The following UBE2D1 variants were observed in gnomAD, a reference collection of about 807,000 sequenced individuals.
UBE2D1 encodes the protein ubiquitin conjugating enzyme E2 D1, also known as ubiquitin-conjugating enzyme E2 D1.
In UBE2D1, 9 loss-of-function variants were observed where a neutral mutation model predicts 24.6. That is an observed-to-expected ratio of 0.37 (90% CI 0.22 to 0.64). The LOEUF is 0.64. Among genes scored for constraint, UBE2D1 ranks in the 30% least tolerant of loss-of-function variants. UBE2D1 has a pLI of 0.64. For missense variants in UBE2D1, 87 were observed against 177.1 expected (o/e 0.49, Z 2.89); for synonymous variants, 57 against 57.6 (o/e 0.99, Z 0.04).
intron 1 of UBE2D1, among the ~76,000 whole-genome samples, chr10:58,349,962 T>C (rs1287615658): frequency 6.6e-6 from 1 of 152,200 alleles, no homozygotes; most frequent in Non-Finnish European, 1.5e-5. Flanking sequence ...TTCATCTATA[T>C]TGTTGCCTGG....
At chr10:58,363,837 A>G (rs1840226399) in intron 4 of UBE2D1, 151 bp downstream of exon 4, 4 of 545,064 alleles carry the variant, frequency 7.3e-6, no homozygotes, top group Non-Finnish European at 6.2e-6. Flanking sequence ...TACTGAATCT[A>G]AAATCTGATT....
chr10:58,362,520 C>G (rs1456707053), intron 3 of UBE2D1, among the ~76,000 whole-genome samples: 2 of 152,074 alleles, frequency 1.3e-5, no homozygotes, highest in Admixed American at 6.6e-5. Flanking sequence ...CTTCAAAATA[C>G]TCTCATTTAA....
chr10:58,354,503 G>A (rs987491501), intron 1 of UBE2D1, among the ~76,000 whole-genome samples: 1 of 151,296 alleles, frequency 6.6e-6, no homozygotes, highest in Non-Finnish European at 1.5e-5. Flanking sequence ...CCAAAGAATT[G>A]TTTGTTTCTG....
chr10:58,364,263 A>C (rs539403891), intron 4 of UBE2D1, among the ~76,000 whole-genome samples: 2 of 152,282 alleles, frequency 1.3e-5, no homozygotes, highest in Admixed American at 6.5e-5. Flanking sequence ...ATAGTTAAAA[A>C]CAGATTAACA....
chr10:58,346,774 A>G (rs911182461), intron 1 of UBE2D1, among the ~76,000 whole-genome samples: 9 of 152,210 alleles, frequency 5.9e-5, no homozygotes, highest in African/African-American at 2.2e-4. Flanking sequence ...ATGGCTCTTC[A>G]AGAAGATGAT....
At chr10:58,357,349 C>A (rs1840142533) in intron 1 of UBE2D1, among the ~76,000 whole-genome samples, 1 of 152,080 alleles carries the variant, frequency 6.6e-6, no homozygotes, top group South Asian at 2.1e-4. Flanking sequence ...AAGCATAGAT[C>A]AGGTAGTAAG....
intron 1 of UBE2D1, among the ~76,000 whole-genome samples, chr10:58,338,623 T>G (rs1012265132): frequency 2.6e-5 from 4 of 152,134 alleles, no homozygotes; most frequent in African/African-American, 9.7e-5. Flanking sequence ...ATTTTTTAAA[T>G]TACAGGTGTT....
intron 5 of UBE2D1, among the ~76,000 whole-genome samples, chr10:58,365,278 G>A (rs763668851): frequency 2.6e-4 from 40 of 152,016 alleles, no homozygotes; most frequent in Admixed American, 3.9e-4. Flanking sequence ...GACCGGCCTG[G>A]GCAACATAGG....
chr10:58,336,717 T>C (rs1839907302), intron 1 of UBE2D1, among the ~76,000 whole-genome samples: 1 of 152,268 alleles, frequency 6.6e-6, no homozygotes, highest in African/African-American at 2.4e-5. Context: ...GTAATATTGG[T>C]TCACATTTGG....
intron 1 of UBE2D1, among the ~76,000 whole-genome samples, chr10:58,350,313 A>T (rs1350337336): frequency 6.6e-6 from 1 of 152,048 alleles, no homozygotes; most frequent in East Asian, 1.9e-4. Flanking sequence ...ATTGTGTTGG[A>T]TATGTAGTGG....
chr10:58,344,938 C>T (rs1328459914), intron 1 of UBE2D1, among the ~76,000 whole-genome samples: 2 of 151,698 alleles, frequency 1.3e-5, no homozygotes, highest in Admixed American at 6.6e-5. Flanking sequence ...GATCTCAGCT[C>T]ACTGCAACCT....
chr10:58,351,988 G>A (rs1840081948), intron 1 of UBE2D1, among the ~76,000 whole-genome samples: 1 of 151,982 alleles, frequency 6.6e-6, no homozygotes, highest in Admixed American at 6.6e-5. Context: ...TTGAGGTAGG[G>A]GGATCAAGGT....
chr10:58,340,799 T>C (rs951350770), intron 1 of UBE2D1, among the ~76,000 whole-genome samples: 16 of 152,336 alleles, frequency 1.1e-4, no homozygotes, highest in Admixed American at 1.0e-3. Context: ...ATTTAATGTG[T>C]CTTATGTAAT....
In UBE2D1 at chr10:58,367,972, C is replaced by T. The variant is rs61749178; in HGVS notation, c.354C>T (p.Pro118=). Reference sequence around the variant, plus strand: ...TTTGTGATCCTAATCCAGATGACCCCTTAGTACCAGATATTGCACAAATCT... The same window carrying T: ...TTTGTGATCCTAATCCAGATGACCCTTTAGTACCAGATATTGCACAAATCT... ...SLLCDPNPDD[P]LVPDIAQIYK... is the part of the protein sequence containing the mutation. Residue 118 remains proline, a synonymous_variant, in exon 6 of 7, where the codon CCC becomes CCT. Coordinates refer to ENST00000373910, the MANE Select transcript of UBE2D1 (RefSeq NM_003338.5). 3.1e-6 allele frequency: 5 copies of T among 1,610,444 alleles called. No homozygotes were observed. Among genetic ancestry groups the T allele is most frequent in the Non-Finnish European group, 4.2e-6 (5 of 1,177,628 alleles).
At chr10:58,368,687 TG>T in intron 6 of UBE2D1, 32 bp from the exon 7 acceptor site, 3 of 1,465,544 alleles carry the variant, frequency 2.0e-6, no homozygotes, top group Non-Finnish European at 2.8e-6. Flanking sequence ...TAATTTTGTA[TG>T]TTTTTACTAT....
intron 1 of UBE2D1, among the ~76,000 whole-genome samples, chr10:58,348,653 G>C (rs1348998161): frequency 6.6e-6 from 1 of 152,204 alleles, no homozygotes; most frequent in East Asian, 1.9e-4. Context: ...TCTTCTGACT[G>C]TTGAAGCTAG....
At chr10:58,351,536 T>C (rs1270551780) in intron 1 of UBE2D1, among the ~76,000 whole-genome samples, 1 of 152,244 alleles carries the variant, frequency 6.6e-6, no homozygotes, top group Non-Finnish European at 1.5e-5. Context: ...TTTGTCCCAC[T>C]GGAAGGTCTT....
intron 4 of UBE2D1, among the ~76,000 whole-genome samples, chr10:58,363,899 T>C (rs1840226934): frequency 6.6e-6 from 1 of 151,964 alleles, no homozygotes. Flanking sequence ...GTACGTGTCA[T>C]GCTATAAATT....
intron 3 of UBE2D1, among the ~76,000 whole-genome samples, chr10:58,362,529 A>G (rs1204789739): frequency 6.6e-6 from 1 of 152,178 alleles, no homozygotes; most frequent in Non-Finnish European, 1.5e-5. Context: ...ACTCTCATTT[A>G]AAGGCCCACC....
Sources: gnomAD v4.1 joint callset for allele counts (sites outside exome capture counted in the v4.1 genomes callset) on GRCh38, gnomAD v4.1.1 for gene constraint, MANE v1.5 for transcripts, NCBI Gene and HGNC (gene_info 2026-07-23, HGNC 2026-07-21) for gene names.